ZBED6: variants seen among roughly 807,000 people sequenced by gnomAD.
ZBED6 encodes zinc finger BED-type containing 6.
ZBED6 carries 40 observed loss-of-function variants against 58.4 expected under a neutral mutation model. That is an observed-to-expected ratio of 0.68 (90% CI 0.53 to 0.89). The LOEUF (loss-of-function observed/expected upper bound fraction) is 0.89, where lower values mean the gene tolerates loss of function less well. Ranked by LOEUF, ZBED6 falls within the 40% of genes least tolerant of loss-of-function variation. The pLI is 0.00. For synonymous variants in ZBED6, 439 were observed against 350.6 expected (o/e 1.25, Z -2.82); for missense variants, 1,057 against 1,003.9 (o/e 1.05, Z -0.71).
chr1:203,804,275 CCGAGTAGCTGGGA>C (rs1403636733), intron 1 of ZBED6, among the ~76,000 whole-genome samples: 3 of 151,846 alleles, frequency 2.0e-5, no homozygotes, highest in Non-Finnish European at 4.4e-5. Flanking sequence ...CCTCAGCCTC[CCGAGTAGCTGGGA>C]CTACAGGCAC....
Position 203,818,706 on chromosome 1 carries a change from C to T in ZBED6, c.*2873+17C>T, listed in dbSNP as rs778739180. On this transcript the variant is annotated intron_variant, in intron 3 of 16. Coordinates refer to ENST00000550078, the Ensembl canonical transcript of ZBED6. ...GAGATTGATGTAAGTTTTTTATTTC[C>T]GTTATCATAATAAGTAGTCTGGAGA... The T allele has an allele frequency of 1.7e-5, 27 of 1,613,546 alleles. No individual in the cohort carries two copies. The highest frequency in any genetic ancestry group is 3.3e-5 in the Admixed American group (2 of 59,966).
chr1:203,832,701 A>G (rs2103057305), intron 8 of ZBED6, among the ~76,000 whole-genome samples: 1 of 152,312 alleles, frequency 6.6e-6, no homozygotes, highest in South Asian at 2.1e-4. Flanking sequence ...AAGCCTAATA[A>G]GGAATTATAG....
At chr1:203,848,294 A>C in intron 12 of ZBED6, 37 bp from the exon 13 acceptor site, 1 of 1,556,184 alleles carries the variant, frequency 6.4e-7, no homozygotes, top group Non-Finnish European at 8.8e-7. Context: ...TTGCAGCTTA[A>C]ATAAAATAAC....
chr1:203,838,963 A>G (rs12131766), intron 10 of ZBED6, among the ~76,000 whole-genome samples: 19 of 118,302 alleles, frequency 1.6e-4, no homozygotes, highest in South Asian at 2.9e-4. Flanking sequence ...TCAAAAAAAA[A>G]AAAAAAAAAA....
At chr1:203,814,373 A>G (rs61827264) in intron 1 of ZBED6, among the ~76,000 whole-genome samples, 19,225 of 152,128 alleles carry the variant, frequency 0.13, 1,596 homozygotes, top group East Asian at 0.29. Flanking sequence ...AAAATACAAA[A>G]ATTAGCCATA....
chr1:203,798,783 G>A, exon 1 of ZBED6: 1 of 1,536,124 alleles, frequency 6.5e-7, no homozygotes, highest in Non-Finnish European at 8.7e-7. Flanking sequence ...GATTGTGGAG[G>A]ATATGCATCC....
At chr1:203,815,216 C>CTTTCTTT (rs767809337) in intron 1 of ZBED6, among the ~76,000 whole-genome samples, 1 of 97,154 alleles carries the variant, frequency 1.0e-5, no homozygotes, top group African/African-American at 3.9e-5. Context: ...CTTTTCTTTT[C>CTTTCTTT]TTTTTTTTTT....
chr1:203,841,952 T>C (rs1302954681), intron 11 of ZBED6, among the ~76,000 whole-genome samples: 2 of 110,636 alleles, frequency 1.8e-5, no homozygotes, highest in African/African-American at 3.6e-5. Flanking sequence ...CACTCCTCAG[T>C]TCCCAGACGG....
At chr1:203,834,313 C>A (rs2103088916) in intron 9 of ZBED6, among the ~76,000 whole-genome samples, 1 of 152,170 alleles carries the variant, frequency 6.6e-6, no homozygotes, top group South Asian at 2.1e-4. Context: ...GTTTTGTTAC[C>A]CAGGCTGGAG....
chr1:203,831,552 A>G (rs2103040130), intron 7 of ZBED6, 109 bp from the exon 8 acceptor site: 3 of 829,362 alleles, frequency 3.6e-6, no homozygotes, highest in South Asian at 1.6e-5. Flanking sequence ...GCTTATAGTC[A>G]TAATATCAGT....
At chr1:203,800,643 A>T (rs577448752) in exon 1 of ZBED6, 2 of 531,156 alleles carry the variant, frequency 3.8e-6, no homozygotes, top group Non-Finnish European at 6.2e-6. Context: ...AAGATTTCAT[A>T]GCTATAACTG....
intron 9 of ZBED6, among the ~76,000 whole-genome samples, chr1:203,834,700 C>T (rs879469948): frequency 6.6e-6 from 1 of 150,996 alleles, no homozygotes; most frequent in Non-Finnish European, 1.5e-5. Context: ...CCCACGCTGG[C>T]GTGCACTGGC....
chr1:203,837,849 G>A (rs1684864467), intron 9 of ZBED6, 117 bp from the exon 10 acceptor site: 8 of 909,362 alleles, frequency 8.8e-6, no homozygotes, highest in East Asian at 2.5e-5. Context: ...GAACAAACAC[G>A]CCATATGTAT....
chr1:203,810,395 T>C (rs1200542731), intron 1 of ZBED6, among the ~76,000 whole-genome samples: 1 of 151,802 alleles, frequency 6.6e-6, no homozygotes, highest in African/African-American at 2.4e-5. Context: ...CTTATTTCCT[T>C]TTTCTTGTTT....
At position 203,830,207 on chromosome 1, in the gene ZBED6, A is replaced by T; in HGVS notation, c.*3399+4A>T. On this transcript the variant is annotated splice_donor_region_variant and intron_variant, in intron 7 of 16. Coordinates refer to ENST00000550078, the Ensembl canonical transcript of ZBED6. ...GAAAAATCTAAGAAGCAAGGTGGTAAGTCATCACGTTTTGGCATGGATAGT... is the reference window on the plus strand; with the variant it reads ...GAAAAATCTAAGAAGCAAGGTGGTATGTCATCACGTTTTGGCATGGATAGT... 1 of 1,594,214 alleles carries T rather than the reference A, an allele frequency of 6.3e-7. No individual in the cohort carries two copies. Among genetic ancestry groups the T allele is most frequent in the Non-Finnish European group, 8.5e-7 (1 of 1,173,852 alleles).
intron 3 of ZBED6, among the ~76,000 whole-genome samples, chr1:203,825,076 C>CAAAAAAAAAAA (rs61108073): frequency 9.2e-6 from 1 of 108,964 alleles, no homozygotes; most frequent in Admixed American, 1.1e-4. Flanking sequence ...GACTCCGTCT[C>CAAAAAAAAAAA]AAAAAAAAAA....
chr1:203,800,298 C>A, exon 1 of ZBED6: 1 of 913,530 alleles, frequency 1.1e-6, no homozygotes, highest in South Asian at 1.4e-5. Context: ...TAGCCACTTT[C>A]ATCCAAAACA....
intron 11 of ZBED6, among the ~76,000 whole-genome samples, chr1:203,843,741 G>A (rs948477357): frequency 2.6e-5 from 4 of 152,104 alleles, no homozygotes; most frequent in Non-Finnish European, 4.4e-5. Flanking sequence ...CTGATTTGGG[G>A]CCAGCCTTAT....
intron 2 of ZBED6, among the ~76,000 whole-genome samples, chr1:203,818,202 A>G (rs1677013955): frequency 6.6e-6 from 1 of 152,228 alleles, no homozygotes; most frequent in Non-Finnish European, 1.5e-5. Context: ...AATTATATTT[A>G]AATTCTATTT....
Sources: allele counts gnomAD v4.1 joint callset (sites outside exome capture counted in the v4.1 genomes callset), GRCh38; gene constraint gnomAD v4.1.1; transcripts MANE v1.5; gene names NCBI Gene and HGNC (gene_info 2026-07-23, HGNC 2026-07-21).